The following ESF1 variants were observed in gnomAD, a reference collection of about 807,000 sequenced individuals.
ESF1 encodes ESF1 nucleolar pre-rRNA processing protein.
ESF1 carries 58 observed loss-of-function variants against 92.0 expected under a neutral mutation model. The observed-to-expected ratio is 0.63, with a 90% CI of 0.51 to 0.78. The LOEUF is 0.78. Ranked by LOEUF, ESF1 falls within the 30% of genes least tolerant of loss-of-function variation. The pLI, the probability that ESF1 is intolerant of heterozygous loss-of-function variation, is 0.00. For synonymous variants in ESF1, 321 were observed against 313.7 expected (o/e 1.02, Z -0.24); for missense variants, 922 against 989.1 (o/e 0.93, Z 0.91).
chr20:13,773,915 G>A (rs1979804821), intron 4 of ESF1, among the ~76,000 whole-genome samples: 2 of 152,072 alleles, frequency 1.3e-5, no homozygotes, highest in African/African-American at 4.8e-5. Context: ...CTAACACAGT[G>A]AAAACCCGTC....
In ESF1 at chr20:13,714,643, C is replaced by A; in HGVS notation, c.*231G>T. 8.3e-6 allele frequency: 3 copies of A among 362,140 alleles called. No homozygotes were observed. The highest frequency in any genetic ancestry group is 4.6e-5 in the East Asian group (1 of 21,586). 22.4% of individuals were successfully genotyped at this position (362,140 alleles called of 1,614,324 possible). A position where few individuals can be genotyped will look rare whatever the true frequency, so the allele number is the denominator to read the frequency against. Reference sequence around the variant, plus strand: ...TGTAAAATATAAAAATTTTATAAACCCTATAATGCAGGTAATTTAATTATG... The same window carrying A: ...TGTAAAATATAAAAATTTTATAAACACTATAATGCAGGTAATTTAATTATG... On this transcript the variant is annotated 3_prime_UTR_variant, in exon 14 of 14. Coordinates refer to ENST00000617257, the MANE Select transcript of ESF1 (RefSeq NM_001276380.2).
chr20:13,760,275 T>A (rs1312765732), intron 8 of ESF1, among the ~76,000 whole-genome samples: 1 of 142,898 alleles, frequency 7.0e-6, no homozygotes, highest in Non-Finnish European at 1.5e-5. Flanking sequence ...GTGAGGAGCG[T>A]CTCTGCCCGG....
chr20:13,717,585 G>A, intron 12 of ESF1, 71 bp from the exon 13 acceptor site: 1 of 1,537,646 alleles, frequency 6.5e-7, no homozygotes, highest in East Asian at 2.3e-5. Flanking sequence ...GGAGTATAGG[G>A]CAGAAGATAT....
intron 5 of ESF1, 43 bp downstream of exon 5, chr20:13,772,472 G>C: frequency 1.4e-6 from 2 of 1,389,812 alleles, no homozygotes; most frequent in Non-Finnish European, 2.0e-6. Context: ...CTAATGACAT[G>C]AATTTATGAG....
rs761253254 is a variant in ESF1, at chr20:13,715,047, G to T, written c.2383C>A (p.Arg795=). ...AMEKILEEKA[R]QRERKEQELT... is the part of the protein sequence containing the mutation. The stretch of plus-strand genomic sequence containing the variant: ...TCTTGTTCTTTCCGTTCTCTTTGCC[G>T]GGCCTTCTCCTCAAGGATTTTTTCC... The change falls in exon 14 of 14, where the codon CGG becomes AGG. Residue 795 remains arginine (R), a synonymous_variant. Transcript: ENST00000617257. 6.2e-7 allele frequency: 1 copy of T among 1,613,404 alleles called. No individual in the cohort carries two copies. The highest frequency in any genetic ancestry group is 1.7e-5 in the Admixed American group (1 of 59,918).
intron 9 of ESF1, among the ~76,000 whole-genome samples, chr20:13,759,125 C>T (rs1382780097): frequency 3.3e-5 from 5 of 152,128 alleles, no homozygotes; most frequent in Admixed American, 2.0e-4. Flanking sequence ...GAAAGTGAAA[C>T]CATGAAAAAG....
chr20:13,760,974 T>C (rs929477426), intron 8 of ESF1, among the ~76,000 whole-genome samples: 5 of 152,164 alleles, frequency 3.3e-5, no homozygotes, highest in Non-Finnish European at 7.4e-5. Flanking sequence ...AGAAATCGGA[T>C]GGTTGCTGTG....
intron 10 of ESF1, among the ~76,000 whole-genome samples, chr20:13,731,297 C>T (rs982790046): frequency 3.3e-5 from 5 of 151,958 alleles, no homozygotes; most frequent in South Asian, 4.2e-4. Flanking sequence ...TTTGGGAGGC[C>T]GAGGCGGGAG....
chr20:13,725,614 T>C (rs1327748037), intron 11 of ESF1, among the ~76,000 whole-genome samples: 1 of 152,186 alleles, frequency 6.6e-6, no homozygotes, highest in African/African-American at 2.4e-5. Flanking sequence ...CTTAAGCTTT[T>C]CCCATCCTTT....
intron 8 of ESF1, among the ~76,000 whole-genome samples, chr20:13,761,242 G>T (rs1600286510): frequency 1.3e-5 from 2 of 151,956 alleles, no homozygotes; most frequent in Non-Finnish European, 1.5e-5. Context: ...CACAAACACT[G>T]CGGAAGGCCG....
At chr20:13,777,632 G>T (rs572412689) in intron 2 of ESF1, among the ~76,000 whole-genome samples, 1 of 152,278 alleles carries the variant, frequency 6.6e-6, no homozygotes, top group South Asian at 2.1e-4. Flanking sequence ...GTAATCAACT[G>T]TCATGATTAG....
intron 9 of ESF1, among the ~76,000 whole-genome samples, chr20:13,741,051 T>C (rs2050010483): frequency 1.3e-5 from 2 of 152,158 alleles, no homozygotes; most frequent in African/African-American, 4.8e-5. Flanking sequence ...ATAATCTATT[T>C]ATGCCTTTTC....
intron 5 of ESF1, 56 bp from the exon 6 acceptor site, chr20:13,771,539 T>G: frequency 7.1e-7 from 1 of 1,413,240 alleles, no homozygotes; most frequent in South Asian, 1.3e-5. Context: ...AAATTTCCCT[T>G]TAAAAAATAA....
At chr20:13,773,677 C>T (rs1425343332) in intron 4 of ESF1, among the ~76,000 whole-genome samples, 1 of 152,100 alleles carries the variant, frequency 6.6e-6, no homozygotes, top group Non-Finnish European at 1.5e-5. Context: ...CCTGTCAACC[C>T]CCATAGCATC....
chr20:13,779,282 T>C (rs1448515846), intron 2 of ESF1, among the ~76,000 whole-genome samples: 1 of 152,016 alleles, frequency 6.6e-6, no homozygotes, highest in African/African-American at 2.4e-5. Flanking sequence ...GAATGATCAT[T>C]ACAAACCAAA....
At chr20:13,746,025 T>G (rs767486113) in intron 9 of ESF1, among the ~76,000 whole-genome samples, 6 of 152,148 alleles carry the variant, frequency 3.9e-5, no homozygotes, top group Non-Finnish European at 8.8e-5. Context: ...TGTAGTAGCA[T>G]GTGATCTCAG....
chr20:13,753,942 T>G (rs1978758232), intron 9 of ESF1, among the ~76,000 whole-genome samples: 1 of 152,226 alleles, frequency 6.6e-6, no homozygotes, highest in Admixed American at 6.5e-5. Context: ...TCTAGTAGTC[T>G]GAGACTAACA....
intron 2 of ESF1, among the ~76,000 whole-genome samples, chr20:13,780,289 CTG>C (rs1318594840): frequency 6.6e-6 from 1 of 152,160 alleles, no homozygotes; most frequent in African/African-American, 2.4e-5. Context: ...GTAAAAAAGT[CTG>C]TAAAATCAAT....
At chr20:13,730,575 G>A (rs1277933902) in intron 10 of ESF1, among the ~76,000 whole-genome samples, 4 of 151,704 alleles carry the variant, frequency 2.6e-5, no homozygotes, top group East Asian at 1.9e-4. Flanking sequence ...CAGTAGAGAC[G>A]GGGTTTCACT....
Sources: allele counts gnomAD v4.1 joint callset (sites outside exome capture counted in the v4.1 genomes callset), GRCh38; gene constraint gnomAD v4.1.1; transcripts MANE v1.5; gene names NCBI Gene and HGNC (gene_info 2026-07-23, HGNC 2026-07-21).